ARL6IP6: variants seen among roughly 807,000 people sequenced by gnomAD.
The protein encoded by ARL6IP6 is ADP-ribosylation factor-like protein 6-interacting protein 6.
A neutral mutation model predicts 21.5 loss-of-function variants in ARL6IP6; 22 were observed. The observed-to-expected ratio is 1.02, with a 90% CI of 0.73 to 1.46. The LOEUF is 1.46. Among genes scored for constraint, ARL6IP6 ranks in the 40% most tolerant of loss-of-function variants. ARL6IP6 has a pLI of 0.00. For missense variants in ARL6IP6, 388 were observed against 299.8 expected (o/e 1.29, Z -2.17); for synonymous variants, 164 against 125.3 (o/e 1.31, Z -2.06).
rs566707841 is a variant in ARL6IP6, at chr2:152,732,811, T to A, written c.455-2183T>A. On this transcript the variant is annotated intron_variant, in intron 2 of 3. Transcript: ENST00000326446. ...CCTCCCATTTACTCTCTCTAATACC[T>A]AATATAATGTAAATGTTATGTAAAT... Among the ~76,000 whole-genome samples the A allele has an allele frequency of 8.5e-5, 13 of 152,270 alleles. No homozygotes were observed. In the South Asian group the frequency reaches 2.3e-3, roughly 27 times the overall value.
intron 3 of ARL6IP6, among the ~76,000 whole-genome samples, chr2:152,750,477 A>G (rs987477354): frequency 6.6e-6 from 1 of 150,706 alleles, no homozygotes; most frequent in Non-Finnish European, 1.5e-5. Flanking sequence ...CTCTGTCCAA[A>G]AAAAAAAAAA....
At chr2:152,728,092 A>G (rs987541341) in intron 2 of ARL6IP6, among the ~76,000 whole-genome samples, 1 of 152,048 alleles carries the variant, frequency 6.6e-6, no homozygotes, top group Non-Finnish European at 1.5e-5. Context: ...TATAATTGGA[A>G]TCATGTATAT....
chr2:152,717,938 G>A (rs1699244252), upstream of ARL6IP6: 1 of 1,005,460 alleles, frequency 9.9e-7, no homozygotes, highest in Non-Finnish European at 1.2e-6. Context: ...GAGGGGAGGA[G>A]GCGGGGAAGG....
Position 152,718,931 on chromosome 2 carries a change from C to T in ARL6IP6, c.307C>T (p.Arg103Trp), listed in dbSNP as rs773818874. ...CGCGGGCAGCAGAGCCCAGCCTCGGCGGTGGCCGGTCCAGGTCCTCTCTAT... is the reference window on the plus strand; with the variant it reads ...CGCGGGCAGCAGAGCCCAGCCTCGGTGGTGGCCGGTCCAGGTCCTCTCTAT... ...AAAGSRAQPR[R>W]WPVQVLSILC... The change falls in exon 1 of 4, where the codon CGG (arginine) becomes TGG (tryptophan). Residue 103 changes from arginine to tryptophan, a missense_variant. Physicochemically the swap from Arg to Trp is moderately radical, Grantham distance 101. Transcript: ENST00000326446. 9.9e-6 allele frequency: 16 copies of T among 1,613,736 alleles called. No homozygotes were observed. Among genetic ancestry groups the T allele is most frequent in the Admixed American group, 1.7e-5 (1 of 59,978 alleles).
At chr2:152,756,596 G>A (rs141635573) in intron 3 of ARL6IP6, among the ~76,000 whole-genome samples, 27 of 151,982 alleles carry the variant, frequency 1.8e-4, no homozygotes, top group African/African-American at 2.7e-4. Context: ...TCTAGAATAC[G>A]TAAAGAACTC....
chr2:152,720,345 C>T, intron 1 of ARL6IP6, 188 bp from the exon 2 acceptor site: 1 of 624,836 alleles, frequency 1.6e-6, no homozygotes, highest in Non-Finnish European at 2.9e-6. Context: ...GCTGTTGGCT[C>T]CCTTAGTGGT....
chr2:152,717,888 G>A (rs1403564188), upstream of ARL6IP6: 6 of 1,030,402 alleles, frequency 5.8e-6, no homozygotes, highest in Admixed American at 5.4e-5. Flanking sequence ...TAGTGTTAGC[G>A]GTGGCTGGGA....
At chr2:152,728,309 T>A (rs1343532144) in intron 2 of ARL6IP6, among the ~76,000 whole-genome samples, 2 of 152,224 alleles carry the variant, frequency 1.3e-5, no homozygotes, top group Non-Finnish European at 2.9e-5. Flanking sequence ...TGAAGTTTTA[T>A]GAAGTGTGTG....
intron 2 of ARL6IP6, among the ~76,000 whole-genome samples, chr2:152,721,152 A>G (rs1419696572): frequency 1.3e-5 from 2 of 152,166 alleles, no homozygotes; most frequent in Non-Finnish European, 2.9e-5. Context: ...CACACTAGTA[A>G]TACATTTTAA....
rs761653552 is a variant in ARL6IP6, at chr2:152,759,777, C to T, written c.618C>T (p.Gly206=). The T allele has an allele frequency of 6.2e-6, 10 of 1,613,364 alleles. No individual in the cohort carries two copies. In the South Asian group the frequency reaches 9.9e-5, roughly 16 times the overall value. ...KKLTGHSFHM[G]YSMAILNGIV... ...TGACTGGACATTCTTTCCACATGGG[C>T]TATAGCATGGCGATTTTGAATGGCA... Residue 206 remains glycine (G), a synonymous_variant, in exon 4 of 4, where the codon GGC becomes GGT. Transcript: ENST00000326446.
upstream of ARL6IP6, chr2:152,717,921 CGAGGCGGAGGG>C: frequency 1.0e-6 from 1 of 999,540 alleles, no homozygotes; most frequent in East Asian, 1.1e-4. Flanking sequence ...GCGCGGTGCT[CGAGGCGGAGGG>C]GAGGAGGCGG....
At chr2:152,735,165 T>G in intron 3 of ARL6IP6, 39 bp downstream of exon 3, 1 of 1,605,990 alleles carries the variant, frequency 6.2e-7, no homozygotes, top group Non-Finnish European at 8.5e-7. Flanking sequence ...TTAAATGCAT[T>G]TCAACTCTTG....
intron 2 of ARL6IP6, among the ~76,000 whole-genome samples, chr2:152,728,966 G>C (rs1204985163): frequency 6.6e-6 from 1 of 151,350 alleles, no homozygotes; most frequent in Non-Finnish European, 1.5e-5. Flanking sequence ...GCTGAGGCAG[G>C]AGAACTGCTT....
At chr2:152,731,990 ATAGTATTCTAT>A (rs1559229250) in intron 2 of ARL6IP6, among the ~76,000 whole-genome samples, 6 of 152,088 alleles carry the variant, frequency 3.9e-5, no homozygotes, top group Admixed American at 6.6e-5. Flanking sequence ...TTATAGCTGC[ATAGTATTCTAT>A]TGTATGGATG....
At position 152,736,564 on chromosome 2, in the gene ARL6IP6, T is replaced by C. The variant is rs969068751; in HGVS notation, c.587+1438T>C. On this transcript the variant is annotated intron_variant, in intron 3 of 3. Coordinates refer to ENST00000326446, the MANE Select transcript of ARL6IP6 (RefSeq NM_152522.7). ...AAATGTCATTAGAATGCTTCCTGTT[T>C]GCATTTTCACTGTTTTTGTACTATT... Among the ~76,000 whole-genome samples the C allele has an allele frequency of 2.6e-5, 4 of 152,174 alleles. 1 individual carries two copies. Among genetic ancestry groups the C allele is most frequent in the Non-Finnish European group, 2.9e-5 (2 of 68,030 alleles).
In ARL6IP6 at chr2:152,759,868, A is replaced by G. The variant is rs1574078584; in HGVS notation, c.*28A>G. ...CCACACTGGAGCGATATTGTTGGCA[A>G]AACTTAATCATGATTGTTTTGTAAT... On this transcript the variant is annotated 3_prime_UTR_variant, in exon 4 of 4. Transcript: ENST00000326446. 5.1e-6 allele frequency: 8 copies of G among 1,556,582 alleles called. No homozygotes were observed. In the East Asian group the frequency reaches 1.6e-4, roughly 31 times the overall value.
chr2:152,759,860 T>C lies in ARL6IP6; in HGVS notation c.*20T>C. 1 of 1,587,522 alleles carries C rather than the reference T, an allele frequency of 6.3e-7. No homozygotes were observed. The highest frequency in any genetic ancestry group is 1.1e-5 in the South Asian group (1 of 90,358). On this transcript the variant is annotated 3_prime_UTR_variant, in exon 4 of 4. Coordinates refer to ENST00000326446, the MANE Select transcript of ARL6IP6 (RefSeq NM_152522.7). ...ATGTAAACCCACACTGGAGCGATAT[T>C]GTTGGCAAAACTTAATCATGATTGT...
At chr2:152,727,140 A>G (rs1700084677) in intron 2 of ARL6IP6, among the ~76,000 whole-genome samples, 1 of 152,164 alleles carries the variant, frequency 6.6e-6, no homozygotes, top group Non-Finnish European at 1.5e-5. Flanking sequence ...GCCCTTGAAG[A>G]CCTTTCAGTG....
chr2:152,737,819 C>T (rs1700619536), intron 3 of ARL6IP6, among the ~76,000 whole-genome samples: 1 of 152,116 alleles, frequency 6.6e-6, no homozygotes, highest in Non-Finnish European at 1.5e-5. Context: ...GGGTGGGGCA[C>T]AGCCAAACCA....
Sources: gnomAD v4.1 joint callset for allele counts (sites outside exome capture counted in the v4.1 genomes callset) on GRCh38, gnomAD v4.1.1 for gene constraint, MANE v1.5 for transcripts, NCBI Gene and HGNC (gene_info 2026-07-23, HGNC 2026-07-21) for gene names.